The following LYSMD4 variants were observed in gnomAD, a reference collection of about 807,000 sequenced individuals.
LYSMD4 encodes the protein LysM domain containing 4, also known as lysM and putative peptidoglycan-binding domain-containing protein 4.
A neutral mutation model predicts 6.1 loss-of-function variants in LYSMD4; 9 were observed. The ratio of observed to expected loss-of-function variants is 1.47; its 90% CI spans 0.88 to 2.56. The LOEUF (loss-of-function observed/expected upper bound fraction) is 2.56. Ranked by LOEUF, LYSMD4 falls within the 30% of genes most tolerant of loss-of-function variation. LYSMD4 has a pLI of 0.00. For synonymous variants in LYSMD4, 143 were observed against 148.5 expected (o/e 0.96, Z 0.27); for missense variants, 384 against 373.5 (o/e 1.03, Z -0.23).
At position 99,729,049 on chromosome 15, in the gene LYSMD4, G is replaced by C; in HGVS notation, c.*74C>G. The C allele has an allele frequency of 6.3e-7, 1 of 1,575,478 alleles. No individual in the cohort carries two copies. The highest frequency in any genetic ancestry group is 8.6e-7 in the Non-Finnish European group (1 of 1,157,832). On this transcript the variant is annotated 3_prime_UTR_variant, in exon 3 of 3. Transcript: ENST00000684762. ...CCGGAAGCAAAATGCAGCACCCCTA[G>C]GACATCGCCAGTGACAGCTGAGGCA...
In LYSMD4 at chr15:99,729,430, G is replaced by GT. The variant is rs1206027818; in HGVS notation, c.583dup (p.Thr195AsnfsTer47). On this transcript the variant is annotated frameshift_variant, in exon 3 of 3. Coordinates refer to ENST00000684762, the MANE Select transcript of LYSMD4 (RefSeq NM_001284417.2). LOFTEE classifies it low-confidence loss of function (END_TRUNC). ...TGCCGGGAGCAGTGGCTGATGGGAG[G>GT]TGTCCATGCAGTAACTTTCATGTAG... 1.2e-6 allele frequency: 2 copies of GT among 1,613,992 alleles called. No individual in the cohort carries two copies. The highest frequency in any genetic ancestry group is 3.3e-5 in the Admixed American group (2 of 60,004).
chr15:99,718,536 G>C (rs374644946), upstream of LYSMD4, among the ~76,000 whole-genome samples: 1 of 152,206 alleles, frequency 6.6e-6, no homozygotes, highest in Non-Finnish European at 1.5e-5. Flanking sequence ...GCGAGGAACA[G>C]CTGTCCCTTC....
upstream of LYSMD4, among the ~76,000 whole-genome samples, chr15:99,719,679 C>CA (rs2059223471): frequency 6.6e-6 from 1 of 152,186 alleles, no homozygotes; most frequent in Non-Finnish European, 1.5e-5. Context: ...AATAGCCCTA[C>CA]ACATGCGTAT....
downstream of LYSMD4, among the ~76,000 whole-genome samples, chr15:99,725,568 C>T (rs1404045500): frequency 1.3e-5 from 2 of 152,178 alleles, no homozygotes; most frequent in Non-Finnish European, 2.9e-5. Flanking sequence ...ACACAAGGGG[C>T]CTGGTTCACT....
chr15:99,726,163 TTTTTTC>T (rs2059279852), downstream of LYSMD4, among the ~76,000 whole-genome samples: 2 of 142,964 alleles, frequency 1.4e-5, no homozygotes, highest in East Asian at 4.1e-4. Context: ...TTTTTTTTTT[TTTTTTC>T]CCGCCTGAGT....
At chr15:99,722,861 G>A (rs562293210), downstream of LYSMD4, among the ~76,000 whole-genome samples, 14 of 152,110 alleles carry the variant, frequency 9.2e-5, no homozygotes, top group South Asian at 4.2e-4. Flanking sequence ...ACAAAAACCC[G>A]TCTCTATTAA....
At chr15:99,731,455 G>A in intron 2 of LYSMD4, 1 of 1,604,448 alleles carries the variant, frequency 6.2e-7, no homozygotes. Flanking sequence ...CAGAATTTCA[G>A]TGTGGAGAAA....
exon 1 of LYSMD4, chr15:99,716,187 T>C (rs2059133989): frequency 1.6e-5 from 3 of 183,904 alleles, no homozygotes; most frequent in Non-Finnish European, 3.5e-5. Context: ...AATGGCTTTT[T>C]TAAAAGAGAT....
At chr15:99,722,286 C>G (rs562192123), upstream of LYSMD4, among the ~76,000 whole-genome samples, 1 of 152,244 alleles carries the variant, frequency 6.6e-6, no homozygotes, top group African/African-American at 2.4e-5. Flanking sequence ...AGGAGCAGGA[C>G]TGAAAAAATC....
chr15:99,719,780 A>C (rs1469291514), upstream of LYSMD4, among the ~76,000 whole-genome samples: 2 of 152,210 alleles, frequency 1.3e-5, no homozygotes, highest in African/African-American at 4.8e-5. Flanking sequence ...GGTATCGCCA[A>C]ATTTGCCTCC....
chr15:99,716,611 T>G (rs2059172589), exon 1 of LYSMD4: 1 of 456,638 alleles, frequency 2.2e-6, no homozygotes, highest in Non-Finnish European at 4.4e-6. Context: ...ACCTGCAGGC[T>G]TCTTTCTCTG....
downstream of LYSMD4, among the ~76,000 whole-genome samples, chr15:99,726,451 G>C (rs2059283527): frequency 6.6e-6 from 1 of 151,984 alleles, no homozygotes; most frequent in African/African-American, 2.4e-5. Context: ...GCCCCAAGTG[G>C]CTTTTAATTC....
exon 1 of LYSMD4, chr15:99,716,464 T>G: frequency 2.2e-6 from 1 of 456,842 alleles, no homozygotes; most frequent in Non-Finnish European, 4.4e-6. Context: ...CTCACTCCAG[T>G]AAAGACGGAC....
intron 2 of LYSMD4, chr15:99,731,119 A>C (rs1015898616): frequency 6.5e-7 from 1 of 1,530,704 alleles, no homozygotes; most frequent in Non-Finnish European, 9.0e-7. Flanking sequence ...GCAAAGTGAA[A>C]CAGTTGCAAT....
exon 1 of LYSMD4, chr15:99,716,966 T>A (rs954147365): frequency 2.3e-5 from 7 of 297,992 alleles, no homozygotes; most frequent in Admixed American, 8.6e-5. Flanking sequence ...AGAAGACAGA[T>A]GTGCTGGCAT....
chr15:99,721,081 G>C (rs2059233927), upstream of LYSMD4: 1 of 133,390 alleles, frequency 7.5e-6, no homozygotes. Context: ...AAGATCATGA[G>C]ATCCCCTCTG....
At chr15:99,731,632 G>C in intron 2 of LYSMD4, 86 bp downstream of exon 2, 1 of 1,522,492 alleles carries the variant, frequency 6.6e-7, no homozygotes, top group Non-Finnish European at 8.8e-7. Flanking sequence ...GCAGGGTTAA[G>C]AAGGGCGGCA....
At chr15:99,723,021 ACT>A (rs919495655), downstream of LYSMD4, among the ~76,000 whole-genome samples, 20 of 150,840 alleles carry the variant, frequency 1.3e-4, no homozygotes, top group Non-Finnish European at 2.1e-4. Context: ...ACAGAGCAAG[ACT>A]CTGTTTTGTT....
chr15:99,718,324 C>T (rs539389711), upstream of LYSMD4, among the ~76,000 whole-genome samples: 50 of 152,216 alleles, frequency 3.3e-4, no homozygotes, highest in Non-Finnish European at 4.6e-4. Flanking sequence ...TTATTCCAGG[C>T]GATACTGACT....
Sources: gnomAD v4.1 joint callset for allele counts (sites outside exome capture counted in the v4.1 genomes callset) on GRCh38, gnomAD v4.1.1 for gene constraint, MANE v1.5 for transcripts, NCBI Gene and HGNC (gene_info 2026-07-23, HGNC 2026-07-21) for gene names.